Variants in SLC23A2 observed in about 807,000 individuals in gnomAD.
The protein encoded by SLC23A2 is solute carrier family 23 member 2.
Under a neutral mutation model 73.3 loss-of-function variants are expected in SLC23A2, and 36 were observed. That is an observed-to-expected ratio of 0.49 (90% CI 0.38 to 0.65). The LOEUF (loss-of-function observed/expected upper bound fraction) is 0.65, where lower values mean the gene tolerates loss of function less well. Ranked by LOEUF, SLC23A2 falls within the 30% of genes least tolerant of loss-of-function variation. The probability of loss-of-function intolerance (pLI) is 0.00; values close to 1 mark genes in which losing one functional copy is unlikely to be tolerated. For synonymous variants in SLC23A2, 343 were observed against 327.3 expected (o/e 1.05, Z -0.52); for missense variants, 507 against 841.6 (o/e 0.60, Z 4.92).
At chr20:4,894,395 G>A (rs1470850531) in intron 6 of SLC23A2, among the ~76,000 whole-genome samples, 3 of 152,142 alleles carry the variant, frequency 2.0e-5, no homozygotes, top group African/African-American at 4.8e-5. Context: ...AAAAGACAAC[G>A]GCCCCTGGAA....
At chr20:4,871,712 G>A (rs1458453256) in intron 11 of SLC23A2, among the ~76,000 whole-genome samples, 3 of 152,134 alleles carry the variant, frequency 2.0e-5, no homozygotes, top group South Asian at 2.1e-4. Flanking sequence ...TGCAAGGTAC[G>A]CAGGTTGATG....
At chr20:4,944,365 A>C (rs949051984) in intron 2 of SLC23A2, among the ~76,000 whole-genome samples, 1 of 152,056 alleles carries the variant, frequency 6.6e-6, no homozygotes, top group Non-Finnish European at 1.5e-5. Context: ...CAGCCTCCCA[A>C]GCAGCTGGGA....
At chr20:4,977,730 G>C (rs1317728400) in intron 1 of SLC23A2, among the ~76,000 whole-genome samples, 1 of 151,250 alleles carries the variant, frequency 6.6e-6, no homozygotes, top group Non-Finnish European at 1.5e-5. Flanking sequence ...AAAGAGACGA[G>C]ATCTCATTAT....
At position 4,912,861 on chromosome 20, in the gene SLC23A2, G is replaced by T; in HGVS notation, c.207+19C>A. On this transcript the variant is annotated intron_variant, in intron 4 of 16. Coordinates refer to ENST00000338244, the MANE Select transcript of SLC23A2 (RefSeq NM_005116.6). ...GGGATGGCGGTGGGAGTGGGGACACGGGGTGACGGAAGGGGTACCTTTTCT... is the reference window on the plus strand; with the variant it reads ...GGGATGGCGGTGGGAGTGGGGACACTGGGTGACGGAAGGGGTACCTTTTCT... 1 of 1,515,010 alleles carries T rather than the reference G, an allele frequency of 6.6e-7. No homozygotes were observed. The highest frequency in any genetic ancestry group is 9.2e-7 in the Non-Finnish European group (1 of 1,090,328). 93.8% of individuals were successfully genotyped at this position (1,515,010 alleles called of 1,614,324 possible). A position where few individuals can be genotyped will look rare whatever the true frequency, so the allele number is the denominator to read the frequency against.
At chr20:4,918,636 A>T (rs552884405) in intron 3 of SLC23A2, among the ~76,000 whole-genome samples, 2 of 152,100 alleles carry the variant, frequency 1.3e-5, no homozygotes, top group Non-Finnish European at 2.9e-5. Context: ...CAGCAGTGCC[A>T]GGCGAAACTG....
At position 4,853,363 on chromosome 20, in the gene SLC23A2, C is replaced by T. The variant is rs1929595129; in HGVS notation, c.*3609G>A. 1 of 152,670 alleles carries T rather than the reference C, an allele frequency of 6.6e-6. No individual in the cohort carries two copies. The highest frequency in any genetic ancestry group is 1.9e-4 in the East Asian group (1 of 5,202). 9.5% of individuals were successfully genotyped at this position (152,670 alleles called of 1,614,324 possible). A position where few individuals can be genotyped will look rare whatever the true frequency, so the allele number is the denominator to read the frequency against. ...ATATTCACCTTCAATCTGGCCTGGCCACTCCCATGGCATCCGTATTACTGA... is the reference window on the plus strand; with the variant it reads ...ATATTCACCTTCAATCTGGCCTGGCTACTCCCATGGCATCCGTATTACTGA... On this transcript the variant is annotated 3_prime_UTR_variant, in exon 17 of 17. Transcript: ENST00000338244.
chr20:4,974,480 AAAT>A (rs1405701355), intron 1 of SLC23A2, among the ~76,000 whole-genome samples: 2 of 150,866 alleles, frequency 1.3e-5, no homozygotes, highest in Admixed American at 6.6e-5. Flanking sequence ...AAAATAAAAA[AAAT>A]AATAATAATA....
chr20:4,897,237 C>G (rs1323343573), intron 6 of SLC23A2, among the ~76,000 whole-genome samples: 2 of 152,186 alleles, frequency 1.3e-5, no homozygotes, highest in African/African-American at 2.4e-5. Flanking sequence ...ATAGAAAACC[C>G]CTATCACAAG....
At chr20:4,910,881 A>C (rs1932118518) in intron 4 of SLC23A2, among the ~76,000 whole-genome samples, 1 of 152,232 alleles carries the variant, frequency 6.6e-6, no homozygotes, top group Admixed American at 6.5e-5. Context: ...GACAATGAAA[A>C]AATGTTCACC....
intron 3 of SLC23A2, among the ~76,000 whole-genome samples, chr20:4,920,629 A>C (rs1310844838): frequency 2.6e-5 from 4 of 152,222 alleles, no homozygotes; most frequent in African/African-American, 7.2e-5. Context: ...AAAACAATGA[A>C]GATAATCCTT....
chr20:4,935,924 G>A (rs2086956021), intron 2 of SLC23A2, among the ~76,000 whole-genome samples: 1 of 152,086 alleles, frequency 6.6e-6, no homozygotes, highest in African/African-American at 2.4e-5. Flanking sequence ...CATGTCTGCT[G>A]GCAACCACAG....
intron 2 of SLC23A2, among the ~76,000 whole-genome samples, chr20:4,936,906 T>C (rs997880965): frequency 9.9e-5 from 15 of 152,140 alleles, no homozygotes; most frequent in Non-Finnish European, 2.9e-5. Flanking sequence ...ATGAGACTCA[T>C]ACAGCGCAGA....
intron 1 of SLC23A2, among the ~76,000 whole-genome samples, chr20:4,986,717 G>T (rs1436598284): frequency 7.7e-6 from 1 of 129,800 alleles, no homozygotes; most frequent in Admixed American, 8.1e-5. Flanking sequence ...GAGAGAAGTG[G>T]GTCAGTCAAA....
intron 9 of SLC23A2, among the ~76,000 whole-genome samples, chr20:4,880,471 C>G (rs961018632): frequency 6.6e-6 from 1 of 152,124 alleles, no homozygotes; most frequent in African/African-American, 2.4e-5. Context: ...AGGCCCTGCT[C>G]TCACAGAGCT....
At chr20:4,941,146 ACT>A (rs2087034325) in intron 2 of SLC23A2, among the ~76,000 whole-genome samples, 1 of 150,000 alleles carries the variant, frequency 6.7e-6, no homozygotes. Flanking sequence ...ACAGAGCAAG[ACT>A]CTGTCTCAAA....
At chr20:4,867,014 G>GC (rs111418963) in intron 13 of SLC23A2, among the ~76,000 whole-genome samples, 1,550 of 125,982 alleles carry the variant, frequency 0.012, 32 homozygotes, top group Middle Eastern at 0.048. Context: ...CTTTTGCCCA[G>GC]CCCCCCATGG....
rs1568608697 is a variant in SLC23A2 at position 4,883,609 on chromosome 20, A to G, written c.824+33T>C. The G allele has an allele frequency of 1.3e-6, 2 of 1,512,208 alleles. No homozygotes were observed. Among genetic ancestry groups the G allele is most frequent in the South Asian group, 2.4e-5 (2 of 83,604 alleles). 93.7% of individuals were successfully genotyped at this position (1,512,208 alleles called of 1,614,324 possible). A position where few individuals can be genotyped will look rare whatever the true frequency, so the allele number is the denominator to read the frequency against. On this transcript the variant is annotated intron_variant, in intron 9 of 16. Coordinates refer to ENST00000338244, the MANE Select transcript of SLC23A2 (RefSeq NM_005116.6). This position sits in a 1 kb window ranked among gnomAD's most constrained non-coding sequence, Gnocchi z 4.5. ...TGAATGTTCCTAAAGGCTGCCCCGC[A>G]GTGGTGGGATGAGGGGAGATGTTTC...
At chr20:4,882,388 T>C (rs1327753027) in intron 9 of SLC23A2, among the ~76,000 whole-genome samples, 2 of 151,882 alleles carry the variant, frequency 1.3e-5, no homozygotes, top group Admixed American at 1.3e-4. Context: ...AAAAGAACAA[T>C]TTTGGGAAAG....
At chr20:5,000,215 A>T (rs2088095187) in intron 1 of SLC23A2, among the ~76,000 whole-genome samples, 1 of 152,112 alleles carries the variant, frequency 6.6e-6, no homozygotes, top group Non-Finnish European at 1.5e-5. Flanking sequence ...CCTTCAGGGG[A>T]GGCAGGCAAC....
Sources: gnomAD v4.1 joint callset for allele counts (sites outside exome capture counted in the v4.1 genomes callset) on GRCh38, gnomAD v4.1.1 for gene constraint, Gnocchi (gnomAD v3.1) non-coding constraint, MANE v1.5 for transcripts, NCBI Gene and HGNC (gene_info 2026-07-23, HGNC 2026-07-21) for gene names.